The following RIT2 variants were observed in gnomAD, a reference collection of about 807,000 sequenced individuals.
RIT2 encodes the protein GTP-binding protein Rit2.
A neutral mutation model predicts 23.7 loss-of-function variants in RIT2; 24 were observed. The ratio of observed to expected loss-of-function variants is 1.01; its 90% CI spans 0.73 to 1.43. The LOEUF (loss-of-function observed/expected upper bound fraction) is 1.43, where lower values mean the gene tolerates loss of function less well. Among genes scored for constraint, RIT2 ranks in the 40% most tolerant of loss-of-function variants. The pLI, the probability that RIT2 is intolerant of heterozygous loss-of-function variation, is 0.00. For missense variants in RIT2, 236 were observed against 266.9 expected (o/e 0.88, Z 0.81); for synonymous variants, 107 against 91.1 (o/e 1.17, Z -0.99).
intron 1 of RIT2, among the ~76,000 whole-genome samples, chr18:43,036,923 A>C (rs757498513): frequency 2.2e-4 from 33 of 152,238 alleles, no homozygotes; most frequent in Non-Finnish European, 2.9e-5. Context: ...ACTGGAGAGA[A>C]TCTGCTATCA....
At chr18:43,010,034 C>T (rs1409432267) in intron 2 of RIT2, among the ~76,000 whole-genome samples, 1 of 151,812 alleles carries the variant, frequency 6.6e-6, no homozygotes, top group Admixed American at 6.6e-5. Context: ...AAAAGAATCA[C>T]ATCCACTGCA....
chr18:42,983,065 G>A (rs1449612397), intron 2 of RIT2, among the ~76,000 whole-genome samples: 2 of 151,838 alleles, frequency 1.3e-5, no homozygotes, highest in Admixed American at 1.3e-4. Flanking sequence ...TTTTGAAAAG[G>A]AAAAATAAAA....
chr18:42,949,253 G>A (rs142745165), intron 3 of RIT2, among the ~76,000 whole-genome samples: 2 of 152,180 alleles, frequency 1.3e-5, no homozygotes, highest in African/African-American at 4.8e-5. Context: ...GGATGACGGG[G>A]AACTCTCTGA....
intron 3 of RIT2, among the ~76,000 whole-genome samples, chr18:42,929,235 G>A (rs992692593): frequency 7.3e-5 from 11 of 151,672 alleles, no homozygotes; most frequent in African/African-American, 2.4e-4. Context: ...TCTCCCCTAA[G>A]CACTGATTGC....
chr18:42,869,194 T>C (rs560494759), intron 4 of RIT2, among the ~76,000 whole-genome samples: 8 of 152,366 alleles, frequency 5.3e-5, no homozygotes, highest in African/African-American at 1.7e-4. Flanking sequence ...GGTTTCAGGA[T>C]GAAACTGTTC....
intron 3 of RIT2, chr18:42,948,942 G>C: frequency 2.5e-6 from 1 of 397,338 alleles, no homozygotes; most frequent in East Asian, 3.6e-5. Context: ...AGAATTCTCA[G>C]AGCAACTCTG....
chr18:43,067,260 G>GAT (rs1297539814), intron 1 of RIT2, among the ~76,000 whole-genome samples: 2 of 151,970 alleles, frequency 1.3e-5, no homozygotes, highest in African/African-American at 4.8e-5. Flanking sequence ...CAGCTTATTG[G>GAT]ATATATATCA....
intron 2 of RIT2, among the ~76,000 whole-genome samples, chr18:42,978,338 C>T (rs1910520061): frequency 6.6e-6 from 1 of 151,158 alleles, no homozygotes; most frequent in African/African-American, 2.4e-5. Context: ...AAGTGTCTAT[C>T]AGAGTACACA....
chr18:43,060,172 C>G (rs574143201), intron 1 of RIT2, among the ~76,000 whole-genome samples: 3 of 152,076 alleles, frequency 2.0e-5, no homozygotes, highest in Non-Finnish European at 2.9e-5. Context: ...CATTCCAACT[C>G]CCTGAATCAG....
At chr18:42,784,079 G>A (rs1450713205) in intron 4 of RIT2, among the ~76,000 whole-genome samples, 2 of 151,990 alleles carry the variant, frequency 1.3e-5, no homozygotes, top group Admixed American at 6.6e-5. Flanking sequence ...AGTGAGGGTA[G>A]TTGTACACAC....
At chr18:42,973,563 T>A (rs1337714151) in intron 3 of RIT2, among the ~76,000 whole-genome samples, 1 of 151,928 alleles carries the variant, frequency 6.6e-6, no homozygotes, top group Non-Finnish European at 1.5e-5. Flanking sequence ...TATTTTTATG[T>A]CACAAAAAAA....
chr18:42,929,605 A>G (rs942808083), intron 3 of RIT2, among the ~76,000 whole-genome samples: 1 of 152,178 alleles, frequency 6.6e-6, no homozygotes, highest in African/African-American at 2.4e-5. Context: ...TAAGGTTGTA[A>G]TGCAGGAATA....
chr18:42,992,393 T>G (rs537867926), intron 2 of RIT2, among the ~76,000 whole-genome samples: 1 of 152,110 alleles, frequency 6.6e-6, no homozygotes, highest in Non-Finnish European at 1.5e-5. Context: ...GGCATTCTTT[T>G]ACACATCGGT....
chr18:42,786,139 GA>G (rs763952044), intron 4 of RIT2, among the ~76,000 whole-genome samples: 7 of 152,114 alleles, frequency 4.6e-5, no homozygotes, highest in Non-Finnish European at 8.8e-5. Context: ...CCAGTGACTG[GA>G]AAATGGTCCT....
chr18:42,904,164 A>G lies in RIT2; in HGVS notation c.426+19408T>C, dbSNP rs117396306. Among the ~76,000 whole-genome samples, 202 of 152,344 alleles carry G rather than the reference A, an allele frequency of 1.3e-3. No homozygotes were observed. In the East Asian group the frequency reaches 0.028, roughly 21 times the overall value. ...CTAATATTTGATCAAGTAGATTTACATAATGGAAAAAAGTACTCTATTTCT... is the reference window on the plus strand; with the variant it reads ...CTAATATTTGATCAAGTAGATTTACGTAATGGAAAAAAGTACTCTATTTCT... On this transcript the variant is annotated intron_variant, in intron 4 of 4. Transcript: ENST00000326695.
chr18:42,818,517 A>G (rs531222902), intron 4 of RIT2, among the ~76,000 whole-genome samples: 1 of 152,192 alleles, frequency 6.6e-6, no homozygotes, highest in African/African-American at 2.4e-5. Flanking sequence ...TCATCAACTA[A>G]GTCTTTGCAG....
chr18:42,854,305 T>C (rs1907129092), intron 4 of RIT2, among the ~76,000 whole-genome samples: 1 of 152,182 alleles, frequency 6.6e-6, no homozygotes, highest in African/African-American at 2.4e-5. Flanking sequence ...CAGGGGCCTA[T>C]TATATTATTC....
intron 4 of RIT2, among the ~76,000 whole-genome samples, chr18:42,913,926 T>A (rs529395871): frequency 1.3e-5 from 2 of 152,222 alleles, no homozygotes; most frequent in East Asian, 3.9e-4. Context: ...TCACCATGTA[T>A]AATTTTACAA....
chr18:42,907,449 A>T (rs1260239351), intron 4 of RIT2, among the ~76,000 whole-genome samples: 3 of 152,166 alleles, frequency 2.0e-5, no homozygotes, highest in African/African-American at 4.8e-5. Context: ...AATGATAAAG[A>T]CATTTTCAAT....
Sources: allele counts gnomAD v4.1 joint callset (sites outside exome capture counted in the v4.1 genomes callset), GRCh38; gene constraint gnomAD v4.1.1; transcripts MANE v1.5; gene names NCBI Gene and HGNC (gene_info 2026-07-23, HGNC 2026-07-21).